Variants in ADAMTSL1 observed in about 807,000 individuals in gnomAD.
ADAMTSL1 encodes the protein ADAMTS-like protein 1.
A neutral mutation model predicts 201.8 loss-of-function variants in ADAMTSL1; 126 were observed. That is an observed-to-expected ratio of 0.62 (90% confidence interval 0.54 to 0.72). The LOEUF (loss-of-function observed/expected upper bound fraction) is 0.72, where lower values mean the gene tolerates loss of function less well. Ranked by LOEUF, ADAMTSL1 falls within the 30% of genes least tolerant of loss-of-function variation. The probability of loss-of-function intolerance (pLI) is 0.00; values close to 1 mark genes in which losing one functional copy is unlikely to be tolerated. For synonymous variants in ADAMTSL1, 1,121 were observed against 903.4 expected, an observed-to-expected ratio of 1.24 and a Z score of -4.32; for missense variants, 2,679 against 2,277.8, an observed-to-expected ratio of 1.18 and a Z score of -3.59.
chr9:18,677,981 G>T (rs1473300945), intron 10 of ADAMTSL1, among the ~76,000 whole-genome samples: 4 of 151,960 alleles, frequency 2.6e-5, no homozygotes, highest in Non-Finnish European at 5.9e-5. Context: ...ACTGATCAAG[G>T]CCATTTAAAT....
At position 18,675,930 on chromosome 9, in the gene ADAMTSL1, T is replaced by C. The variant is rs199743161; in HGVS notation, c.1136+23T>C. The stretch of plus-strand genomic sequence containing the variant: ...TCGGTACGTAAATCAATCATCCTGA[T>C]GTTAGAATTAGCAAATTAGTCTTCT... On this transcript the variant is annotated intron_variant, in intron 10 of 28. Transcript: ENST00000380548. 4.9e-4 allele frequency: 789 copies of C among 1,608,050 alleles called. 1 individual carries two copies. The highest frequency in any genetic ancestry group is 1.0e-3 in the Admixed American group (62 of 59,972).
rs1827847115 is a variant in ADAMTSL1, at chr9:18,170,632, A to G, written c.207+6651A>G. Among the ~76,000 whole-genome samples, 4 of 152,232 alleles carry G rather than the reference A, an allele frequency of 2.6e-5. No homozygotes were observed. In the South Asian group the frequency reaches 8.3e-4, roughly 32 times the overall value. ...TCTCAGAAAGGCAAAACAGATTTAAATAAGAGAAAGAGAAAAGAGGAAAGA... is the reference window on the plus strand; with the variant it reads ...TCTCAGAAAGGCAAAACAGATTTAAGTAAGAGAAAGAGAAAAGAGGAAAGA... On this transcript the variant is annotated intron_variant, in intron 2 of 29. Transcript: ENST00000680146.
At chr9:18,091,426 C>G (rs1587023411) in intron 1 of ADAMTSL1, among the ~76,000 whole-genome samples, 1 of 151,984 alleles carries the variant, frequency 6.6e-6, no homozygotes, top group Non-Finnish European at 1.5e-5. Context: ...TGAATTTCAC[C>G]CTGGCCTCTG....
At position 18,777,598 on chromosome 9, in the gene ADAMTSL1, G is replaced by A. The variant is rs374327790; in HGVS notation, c.3369G>A (p.Ser1123=). Residue 1123 remains serine (S), a synonymous_variant, in exon 19 of 29, where the codon TCG becomes TCA. Coordinates refer to ENST00000380548, the MANE Select transcript of ADAMTSL1 (RefSeq NM_001040272.6). ...ACCAGGACACGCTCCTGAAGCCCTCGGAGCGCAGGACTTCCCCAGTGACTC... is the reference window on the plus strand; with the variant it reads ...ACCAGGACACGCTCCTGAAGCCCTCAGAGCGCAGGACTTCCCCAGTGACTC... ...LEHQDTLLKP[S]ERRTSPVTLS... is the part of the protein sequence containing the mutation. 229 of 1,612,842 alleles carry A rather than the reference G, an allele frequency of 1.4e-4. No individual in the cohort carries two copies. The African/African-American group carries it at 2.7e-3, about 19-fold the overall frequency.
chr9:18,722,751 G>T (rs950169426), intron 15 of ADAMTSL1, among the ~76,000 whole-genome samples: 18 of 152,156 alleles, frequency 1.2e-4, no homozygotes, highest in Non-Finnish European at 2.4e-4. Flanking sequence ...AGTTAAGAGG[G>T]CAACTCATGC....
chr9:18,386,825 C>G (rs1837814416), intron 2 of ADAMTSL1, among the ~76,000 whole-genome samples: 1 of 152,130 alleles, frequency 6.6e-6, no homozygotes, highest in Admixed American at 6.5e-5. Flanking sequence ...CAATCTTTCT[C>G]ACTTATTTTT....
chr9:18,236,525 C>G (rs1008160639), intron 2 of ADAMTSL1, among the ~76,000 whole-genome samples: 2 of 152,204 alleles, frequency 1.3e-5, no homozygotes, highest in Non-Finnish European at 2.9e-5. Context: ...GTACATAAAC[C>G]TGCTTCCCTT....
upstream of ADAMTSL1, among the ~76,000 whole-genome samples, chr9:18,470,718 T>C (rs914103029): frequency 1.1e-4 from 16 of 152,214 alleles, no homozygotes; most frequent in African/African-American, 3.4e-4. Flanking sequence ...TAGCTCACTC[T>C]TTCCTCCCAT....
chr9:18,384,568 C>T (rs1300360036), intron 2 of ADAMTSL1, among the ~76,000 whole-genome samples: 3 of 152,140 alleles, frequency 2.0e-5, no homozygotes, highest in African/African-American at 7.2e-5. Flanking sequence ...CCAAAAACAC[C>T]CTCATAGGCA....
At chr9:18,797,498 G>C (rs1433823) in intron 20 of ADAMTSL1, among the ~76,000 whole-genome samples, 18,371 of 152,110 alleles carry the variant, frequency 0.12, 1,601 homozygotes, top group African/African-American at 0.24. Flanking sequence ...GGCAAGCGAT[G>C]GATACCCGGC....
chr9:18,181,897 A>G (rs1349953144), intron 2 of ADAMTSL1, among the ~76,000 whole-genome samples: 1 of 152,232 alleles, frequency 6.6e-6, no homozygotes, highest in African/African-American at 2.4e-5. Flanking sequence ...CAAATGTCCA[A>G]CAAAGATAGA....
chr9:18,206,543 C>G (rs1465704835), intron 2 of ADAMTSL1, among the ~76,000 whole-genome samples: 1 of 152,096 alleles, frequency 6.6e-6, no homozygotes, highest in Non-Finnish European at 1.5e-5. Flanking sequence ...TATGCTGTGT[C>G]CCTCTCATCT....
At chr9:18,840,515 G>C (rs1313192163) in intron 23 of ADAMTSL1, among the ~76,000 whole-genome samples, 1 of 152,156 alleles carries the variant, frequency 6.6e-6, no homozygotes, top group Admixed American at 6.5e-5. Flanking sequence ...ACTTCGCGAT[G>C]TGGGCTCTTT....
chr9:18,356,564 C>A (rs906625709), intron 2 of ADAMTSL1, among the ~76,000 whole-genome samples: 10 of 145,314 alleles, frequency 6.9e-5, no homozygotes, highest in Non-Finnish European at 1.0e-4. Context: ...CTATCATCTG[C>A]AGCCTAAAAA....
chr9:18,025,487 C>T (rs1260623482), intron 1 of ADAMTSL1, among the ~76,000 whole-genome samples: 1 of 152,024 alleles, frequency 6.6e-6, no homozygotes, highest in Non-Finnish European at 1.5e-5. Flanking sequence ...AGCCAGTTAT[C>T]CCAGCACCAT....
intron 2 of ADAMTSL1, among the ~76,000 whole-genome samples, chr9:18,391,191 A>G (rs1253751913): frequency 6.6e-6 from 1 of 152,186 alleles, no homozygotes; most frequent in East Asian, 1.9e-4. Flanking sequence ...TTTGATACCT[A>G]GACGCTGGTC....
Position 18,777,847 on chromosome 9 carries a change from C to A in ADAMTSL1, c.3618C>A (p.Gly1206=). ...LSVLLHCEAI[G]HPRPTISWAR... is the part of the protein sequence containing the mutation. Reference sequence around the variant, plus strand: ...TTCTTCTGCACTGTGAGGCCATCGGCCACCCAAGGCCTACCATCAGCTGGG... The same window carrying A: ...TTCTTCTGCACTGTGAGGCCATCGGACACCCAAGGCCTACCATCAGCTGGG... The change falls in exon 19 of 29, where the codon GGC becomes GGA. Residue 1206 remains glycine (G), a synonymous_variant. Transcript: ENST00000380548. 6.3e-7 allele frequency: 1 copy of A among 1,591,256 alleles called. No homozygotes were observed. Among genetic ancestry groups the A allele is most frequent in the Non-Finnish European group, 8.6e-7 (1 of 1,164,480 alleles).
intron 2 of ADAMTSL1, among the ~76,000 whole-genome samples, chr9:18,356,884 A>G (rs902781584): frequency 5.9e-5 from 9 of 152,222 alleles, no homozygotes; most frequent in South Asian, 2.1e-4. Flanking sequence ...ACACACATGT[A>G]GACATCTGTG....
At chr9:18,236,372 C>A (rs1327707570) in intron 2 of ADAMTSL1, among the ~76,000 whole-genome samples, 3 of 152,214 alleles carry the variant, frequency 2.0e-5, no homozygotes, top group African/African-American at 7.2e-5. Flanking sequence ...CCACGCATGG[C>A]CTGTCTGTGG....
Sources: allele counts gnomAD v4.1 joint callset (sites outside exome capture counted in the v4.1 genomes callset), GRCh38; gene constraint gnomAD v4.1.1; transcripts MANE v1.5; gene names NCBI Gene and HGNC (gene_info 2026-07-23, HGNC 2026-07-21).